LOXHD1: variants seen among roughly 807,000 people sequenced by gnomAD.
LOXHD1 encodes lipoxygenase homology PLAT domains 1.
Under a neutral mutation model 248.2 loss-of-function variants are expected in LOXHD1, and 205 were observed. That is an observed-to-expected ratio of 0.83 (90% CI 0.74 to 0.93). The LOEUF (loss-of-function observed/expected upper bound fraction) is 0.93. LOXHD1 is among the 40% of genes least tolerant of loss of function. The probability of loss-of-function intolerance (pLI) is 0.00; values close to 1 mark genes in which losing one functional copy is unlikely to be tolerated. For missense variants in LOXHD1, 2,930 were observed against 2,971.6 expected (o/e 0.99, Z 0.33); for synonymous variants, 1,113 against 1,162.8 (o/e 0.96, Z 0.87).
At position 46,538,149 on chromosome 18, in the gene LOXHD1, C is replaced by T. The variant is rs2144321136; in HGVS notation, c.4095+7G>A. The T allele has an allele frequency of 6.5e-7, 1 of 1,528,354 alleles. No homozygotes were observed. Among genetic ancestry groups the T allele is most frequent in the South Asian group, 1.2e-5 (1 of 83,256 alleles). 94.7% of individuals were successfully genotyped at this position (1,528,354 alleles called of 1,614,324 possible). On this transcript the variant is annotated splice_region_variant and intron_variant, in intron 26 of 40. Transcript: ENST00000642948. ...CCATCCCTGGACAGCCTGCTGAGCC[C>T]AAGTACCTCTACGATGAAGCGGGAG... is the stretch of plus-strand genomic sequence containing the variant.
At position 46,601,644 on chromosome 18, in the gene LOXHD1, A is replaced by T. The variant is rs1357836542; in HGVS notation, c.884-177T>A. 5 of 784,846 alleles carry T rather than the reference A, an allele frequency of 6.4e-6. No individual in the cohort carries two copies. In the East Asian group the frequency reaches 1.4e-4, roughly 22 times the overall value. 48.6% of individuals were successfully genotyped at this position (784,846 alleles called of 1,614,324 possible). On this transcript the variant is annotated intron_variant, in intron 7 of 40. Transcript: ENST00000642948. ...CTAATGTCCCTCTCGACCTCATTTCATCTTTTCCAGAGTTTGTGTGTCCAA... is the reference window on the plus strand; with the variant it reads ...CTAATGTCCCTCTCGACCTCATTTCTTCTTTTCCAGAGTTTGTGTGTCCAA...
intron 5 of LOXHD1, among the ~76,000 whole-genome samples, chr18:46,614,463 G>T (rs944566278): frequency 1.3e-5 from 2 of 152,064 alleles, no homozygotes; most frequent in Non-Finnish European, 2.9e-5. Context: ...GCAAACTATC[G>T]CAAGGATAGA....
intron 18 of LOXHD1, among the ~76,000 whole-genome samples, 165 bp from the exon 19 acceptor site, chr18:46,560,710 C>A (rs1238684994): frequency 1.3e-5 from 2 of 152,204 alleles, no homozygotes; most frequent in Admixed American, 6.5e-5. Flanking sequence ...TCCCTCTCTC[C>A]GGCCACACCT....
At chr18:46,477,093 G>A (rs1412868106), downstream of LOXHD1, 2 of 702,440 alleles carry the variant, frequency 2.8e-6, no homozygotes, top group Admixed American at 2.1e-5. Flanking sequence ...GCTTTTTTGG[G>A]GAAAAGTGTT....
chr18:46,650,541 C>T (rs901440794), intron 1 of LOXHD1, among the ~76,000 whole-genome samples: 10 of 152,114 alleles, frequency 6.6e-5, no homozygotes, highest in Non-Finnish European at 1.3e-4. Flanking sequence ...TTTCTACTTC[C>T]GGTCTTTTCA....
At chr18:46,571,756 C>T (rs140040881) in intron 15 of LOXHD1, among the ~76,000 whole-genome samples, 3 of 152,342 alleles carry the variant, frequency 2.0e-5, no homozygotes, top group East Asian at 1.9e-4. Flanking sequence ...TTTTTAAAGT[C>T]CCTATTTTAC....
intron 16 of LOXHD1, among the ~76,000 whole-genome samples, chr18:46,568,241 C>T (rs2037682726): frequency 6.6e-6 from 1 of 152,110 alleles, no homozygotes; most frequent in African/African-American, 2.4e-5. Context: ...TTCCACCAAG[C>T]CACACCCTGG....
intron 34 of LOXHD1, among the ~76,000 whole-genome samples, chr18:46,516,035 A>G (rs748359189): frequency 1.6e-4 from 25 of 152,222 alleles, no homozygotes; most frequent in Non-Finnish European, 2.8e-4. Flanking sequence ...CTCCTCTCAC[A>G]GCCTTCAAAT....
rs767265152 is a variant in LOXHD1, at chr18:46,559,518, T to C, written c.3146A>G (p.Glu1049Gly). ...TCGTTCGCCCGTGTCTCCATACTCC[T>C]CGCCGTAGATGGTTAGGTAGACGTT... is the stretch of plus-strand genomic sequence containing the variant. ...DANVYLTIYG[E>G]EYGDTGERPL... The change falls in exon 20 of 41, where the codon GAG becomes GGG. Residue 1049 changes from glutamate to glycine, a missense_variant. Glu to Gly is a moderately conservative substitution (Grantham distance 98, BLOSUM62 -2). Coordinates refer to ENST00000642948, the MANE Select transcript of LOXHD1 (RefSeq NM_001384474.1). 4.5e-6 allele frequency: 7 copies of C among 1,551,898 alleles called. No homozygotes were observed. Among genetic ancestry groups the C allele is most frequent in the Non-Finnish European group, 5.2e-6 (6 of 1,147,082 alleles).
chr18:46,488,309 T>C (rs1482503709), intron 38 of LOXHD1, among the ~76,000 whole-genome samples: 4 of 152,194 alleles, frequency 2.6e-5, no homozygotes, highest in Admixed American at 1.3e-4. Context: ...CTGGGTATTA[T>C]AGGAGTGAAA....
chr18:46,600,106 T>C (rs2038311840), intron 8 of LOXHD1, among the ~76,000 whole-genome samples: 1 of 152,148 alleles, frequency 6.6e-6, no homozygotes. Flanking sequence ...TCCACAAAGA[T>C]ACATGTACAA....
intron 34 of LOXHD1, 122 bp downstream of exon 34, chr18:46,518,007 A>G (rs917172373): frequency 1.6e-5 from 20 of 1,220,442 alleles, no homozygotes; most frequent in Non-Finnish European, 2.2e-5. Flanking sequence ...ACAAAGGCAG[A>G]GGAAGGAAGG....
At chr18:46,560,643 T>C (rs1258397375) in intron 18 of LOXHD1, 98 bp from the exon 19 acceptor site, 4 of 1,152,516 alleles carry the variant, frequency 3.5e-6, no homozygotes, top group African/African-American at 1.5e-5. Context: ...AAGGCCTGTT[T>C]GCTAAGCTGC....
intron 1 of LOXHD1, among the ~76,000 whole-genome samples, 162 bp from the exon 2 acceptor site, chr18:46,649,431 A>G (rs1421418082): frequency 6.6e-6 from 1 of 152,198 alleles, no homozygotes; most frequent in African/African-American, 2.4e-5. Context: ...GACCCACGAT[A>G]TGTCCTGCTG....
At chr18:46,614,070 C>T (rs972659636) in intron 5 of LOXHD1, among the ~76,000 whole-genome samples, 9 of 152,166 alleles carry the variant, frequency 5.9e-5, no homozygotes, top group Admixed American at 5.2e-4. Flanking sequence ...CAGGAAACAA[C>T]AAGTGCTGGA....
rs1394606162 is a variant in LOXHD1 at position 46,485,067 on chromosome 18, G to C, written c.6134C>G (p.Ser2045Cys). The C allele has an allele frequency of 6.4e-7, 1 of 1,550,786 alleles. No individual in the cohort carries two copies. The highest frequency in any genetic ancestry group is 8.7e-7 in the Non-Finnish European group (1 of 1,146,758). ...AGAATTTTCCATGAGAAACTCTTTGGATCGGTTCTTCCTGCCCTCCAGGAT... is the reference window on the plus strand; with the variant it reads ...AGAATTTTCCATGAGAAACTCTTTGCATCGGTTCTTCCTGCCCTCCAGGAT... Reference protein sequence around the residue: ...WLILEGRKNRSKEFLMENSSR... With the variant: ...WLILEGRKNRCKEFLMENSSR... Residue 2045 changes from serine to cysteine, a missense_variant, in exon 39 of 41, where the codon TCC (serine) becomes TGC (cysteine). Coordinates refer to ENST00000642948, the MANE Select transcript of LOXHD1 (RefSeq NM_001384474.1).
In LOXHD1 at chr18:46,593,728, C is replaced by T. The variant is rs561064266; in HGVS notation, c.1303G>A (p.Asp435Asn). The T allele has an allele frequency of 1.6e-4, 244 of 1,551,996 alleles. 3 individuals are homozygous for T. In the South Asian group the frequency reaches 2.7e-3, roughly 17 times the overall value. Residue 435 changes from aspartate (D) to asparagine (N), a missense_variant, in exon 10 of 41, where the codon GAC becomes AAC. By Grantham distance (23) the Asp-to-Asn change is conservative. Transcript: ENST00000642948. ...GAGTTGGTACCAGCTTTCTTTAGGTCGGTTGTCCAGACCCACAGGGACCAA... is the reference window on the plus strand; with the variant it reads ...GAGTTGGTACCAGCTTTCTTTAGGTTGGTTGTCCAGACCCACAGGGACCAA... ...FPWSLWVWTT[D>N]LKKAGTNSPI...
At chr18:46,527,762 G>A (rs1401419223) in intron 29 of LOXHD1, among the ~76,000 whole-genome samples, 1 of 152,250 alleles carries the variant, frequency 6.6e-6, no homozygotes, top group African/African-American at 2.4e-5. Flanking sequence ...TGTGGAACAT[G>A]AATGTGTGTG....
intron 8 of LOXHD1, among the ~76,000 whole-genome samples, chr18:46,600,186 G>C (rs1263160494): frequency 1.3e-5 from 2 of 152,208 alleles, no homozygotes; most frequent in African/African-American, 4.8e-5. Flanking sequence ...ATCGACAGAA[G>C]AATGGACAAA....
Sources: allele counts gnomAD v4.1 joint callset (sites outside exome capture counted in the v4.1 genomes callset), GRCh38; gene constraint gnomAD v4.1.1; transcripts MANE v1.5; gene names NCBI Gene and HGNC (gene_info 2026-07-23, HGNC 2026-07-21).